The following HINT1 variants were observed in gnomAD, a reference collection of about 807,000 sequenced individuals.
HINT1 encodes histidine triad nucleotide binding protein 1, also known as adenosine 5'-monophosphoramidase HINT1.
In HINT1, 12 loss-of-function variants were observed where a neutral mutation model predicts 11.2. The ratio of observed to expected loss-of-function variants is 1.07; its 90% CI spans 0.69 to 1.74. HINT1 has a LOEUF of 1.74. Among genes scored for constraint, HINT1 ranks in the 40% most tolerant of loss-of-function variants. The pLI, the probability that HINT1 is intolerant of heterozygous loss-of-function variation, is 0.00. For missense variants in HINT1, 150 were observed against 161.8 expected, an observed-to-expected ratio of 0.93 and a Z score of 0.40; for synonymous variants, 42 against 52.6, an observed-to-expected ratio of 0.80 and a Z score of 0.87.
intron 1 of HINT1, 164 bp downstream of exon 1, chr5:131,164,931 T>G: frequency 2.2e-6 from 2 of 916,018 alleles, no homozygotes; most frequent in Non-Finnish European, 1.5e-6. Context: ...CGCCTCGGAG[T>G]GCCCGGGCCC....
Position 131,163,293 on chromosome 5 carries a change from C to G in HINT1, c.112-617G>C, listed in dbSNP as rs530426697. 1.9e-4 allele frequency among the ~76,000 whole-genome samples: 29 copies of G among 152,298 alleles called. 1 individual carries two copies. In the South Asian group the frequency reaches 6.0e-3, roughly 32 times the overall value. On this transcript the variant is annotated intron_variant, in intron 1 of 2. Coordinates refer to ENST00000304043, the MANE Select transcript of HINT1 (RefSeq NM_005340.7). The stretch of plus-strand genomic sequence containing the variant: ...GAGGCAGTGACATTTAAACTGGGAG[C>G]CAATGAATGCATAAAAATTGGCCAT...
chr5:131,160,970 C>T, intron 2 of HINT1: 2 of 344,106 alleles, frequency 5.8e-6, no homozygotes, highest in Non-Finnish European at 1.2e-5. Context: ...GTCTTACACG[C>T]ATTTTCAACA....
At chr5:131,162,823 C>T (rs1580684783) in intron 1 of HINT1, 147 bp from the exon 2 acceptor site, 3 of 591,962 alleles carry the variant, frequency 5.1e-6, no homozygotes, top group Admixed American at 3.0e-5. Flanking sequence ...CGAATGGTGC[C>T]GTGGTCCTTT....
chr5:131,162,365 G>T, intron 2 of HINT1: 18 of 910,952 alleles, frequency 2.0e-5, no homozygotes, highest in Non-Finnish European at 2.9e-5. Flanking sequence ...AGGATACGGA[G>T]AAGCTGGAAC....
At chr5:131,165,037 G>A (rs775684365) in intron 1 of HINT1, 58 bp downstream of exon 1, 4 of 1,608,976 alleles carry the variant, frequency 2.5e-6, no homozygotes, top group East Asian at 2.2e-5. Flanking sequence ...CGAGAAACCC[G>A]AGGATCCGCG....
intron 1 of HINT1, among the ~76,000 whole-genome samples, chr5:131,164,170 T>C (rs1209816447): frequency 6.6e-6 from 1 of 152,196 alleles, no homozygotes; most frequent in Non-Finnish European, 1.5e-5. Flanking sequence ...TTAACAAAAC[T>C]GTTTACAAAA....
At chr5:131,160,745 T>G in intron 2 of HINT1, 15 of 864,928 alleles carry the variant, frequency 1.7e-5, no homozygotes, top group Non-Finnish European at 2.5e-5. Flanking sequence ...TTTACAATGG[T>G]GTGGCGATAT....
chr5:131,159,403 C>A lies in HINT1; in HGVS notation c.*44G>T, dbSNP rs199563328. ...ACTTAACATACTGGAAATTGCCTAACTTAATCATTGCCTAAAGAAGAGAAA... is the reference window on the plus strand; with the variant it reads ...ACTTAACATACTGGAAATTGCCTAAATTAATCATTGCCTAAAGAAGAGAAA... On this transcript the variant is annotated 3_prime_UTR_variant, in exon 3 of 3. Transcript: ENST00000304043. 44 of 1,581,896 alleles carry A rather than the reference C, an allele frequency of 2.8e-5. No homozygotes were observed. In the East Asian group the frequency reaches 9.6e-4, roughly 35 times the overall value.
intron 2 of HINT1, chr5:131,162,216 G>A (rs938444771): frequency 1.6e-5 from 9 of 548,142 alleles, no homozygotes; most frequent in African/African-American, 3.8e-5. Flanking sequence ...CCCACTACTC[G>A]GGAGGCTGAG....
At chr5:131,162,420 G>A (rs1299525602) in intron 2 of HINT1, 152 bp downstream of exon 2, 1 of 1,513,286 alleles carries the variant, frequency 6.6e-7, no homozygotes, top group Non-Finnish European at 8.9e-7. Context: ...AGTAACTTTG[G>A]AAAACAGCTG....
Position 131,162,566 on chromosome 5 carries a change from A to G in HINT1, c.216+6T>C. ...AGAAAATAAATCATGTTAGAAATGT[A>G]CTTACACTTTCATCATCATCTTCTG... On this transcript the variant is annotated splice_donor_region_variant and intron_variant, in intron 2 of 2. Transcript: ENST00000304043. 1 of 1,606,260 alleles carries G rather than the reference A, an allele frequency of 6.2e-7. No individual in the cohort carries two copies. The highest frequency in any genetic ancestry group is 8.5e-7 in the Non-Finnish European group (1 of 1,172,932).
At position 131,159,403 on chromosome 5, in the gene HINT1, CTTAATCATTGCCTAAA is replaced by C; in HGVS notation, c.*28_*43del. On this transcript the variant is annotated 3_prime_UTR_variant, in exon 3 of 3. Coordinates refer to ENST00000304043, the MANE Select transcript of HINT1 (RefSeq NM_005340.7). Reference sequence around the variant, plus strand: ...ACTTAACATACTGGAAATTGCCTAACTTAATCATTGCCTAAAGAAGAGAAAATTATCCCCAAAACGT... The same window carrying C: ...ACTTAACATACTGGAAATTGCCTAACGAAGAGAAAATTATCCCCAAAACGT... The C allele has an allele frequency of 6.3e-7, 1 of 1,581,898 alleles. No homozygotes were observed. The highest frequency in any genetic ancestry group is 8.6e-7 in the Non-Finnish European group (1 of 1,158,768).
intron 2 of HINT1, among the ~76,000 whole-genome samples, chr5:131,160,423 A>G (rs1755220792): frequency 6.6e-6 from 1 of 152,174 alleles, no homozygotes; most frequent in African/African-American, 2.4e-5. Flanking sequence ...CTTCCCTAAT[A>G]AAAGTTAAAG....
intron 1 of HINT1, among the ~76,000 whole-genome samples, chr5:131,164,839 G>A (rs959015488): frequency 3.3e-5 from 5 of 151,924 alleles, no homozygotes; most frequent in South Asian, 2.1e-4. Flanking sequence ...GCCCCGCGGT[G>A]CGGCACTCAG....
chr5:131,163,718 T>C (rs1755314980), intron 1 of HINT1, among the ~76,000 whole-genome samples: 1 of 152,204 alleles, frequency 6.6e-6, no homozygotes, highest in Admixed American at 6.5e-5. Context: ...CTGAAGAGTA[T>C]ATATATGATA....
At chr5:131,162,101 G>A (rs1412995140) in intron 2 of HINT1, 8 of 316,590 alleles carry the variant, frequency 2.5e-5, no homozygotes, top group East Asian at 1.1e-4. Flanking sequence ...CGAGGCGGGC[G>A]GATCACGAGG....
At position 131,162,640 on chromosome 5, in the gene HINT1, T is replaced by G. The variant is rs368167215; in HGVS notation, c.148A>C (p.Thr50Pro). 2.5e-6 allele frequency: 4 copies of G among 1,612,994 alleles called. No individual in the cohort carries two copies. The highest frequency in any genetic ancestry group is 1.3e-5 in the African/African-American group (1 of 74,996). Reference sequence around the variant, plus strand: ...TTCTTGGGTATCACCAGAAAATGTGTTGGTGCTTGAGGGGAAATGTCATGG... The same window carrying G: ...TTCTTGGGTATCACCAGAAAATGTGGTGGTGCTTGAGGGGAAATGTCATGG... Reference protein sequence around the residue: ...AFHDISPQAPTHFLVIPKKHI... With the variant: ...AFHDISPQAPPHFLVIPKKHI... Residue 50 changes from threonine to proline, a missense_variant, in exon 2 of 3, where the codon ACA becomes CCA. Physicochemically the swap from Thr to Pro is conservative, Grantham distance 38. Transcript: ENST00000304043.
In HINT1 at chr5:131,162,334, A is replaced by C. The variant is rs1479581522; in HGVS notation, c.216+238T>G. 8 of 748,748 alleles carry C rather than the reference A, an allele frequency of 1.1e-5. No individual in the cohort carries two copies. The East Asian group carries it at 2.1e-4, about 20-fold the overall frequency. 46.4% of individuals were successfully genotyped at this position (748,748 alleles called of 1,614,324 possible). A position where few individuals can be genotyped will look rare whatever the true frequency, so the allele number is the denominator to read the frequency against. ...ACTCTGTCTCAAAAAAAAAAAAAAA[A>C]GGTAATAGCAAGTGTTGATAAGGAT... is the stretch of plus-strand genomic sequence containing the variant. On this transcript the variant is annotated intron_variant, in intron 2 of 2. Coordinates refer to ENST00000304043, the MANE Select transcript of HINT1 (RefSeq NM_005340.7).
At chr5:131,161,326 G>A (rs914729727) in intron 2 of HINT1, among the ~76,000 whole-genome samples, 2 of 152,136 alleles carry the variant, frequency 1.3e-5, no homozygotes, top group Non-Finnish European at 2.9e-5. Flanking sequence ...TTCTGGGGCT[G>A]GGCGTGGTGG....
Sources: allele counts gnomAD v4.1 joint callset (sites outside exome capture counted in the v4.1 genomes callset), GRCh38; gene constraint gnomAD v4.1.1; transcripts MANE v1.5; gene names NCBI Gene and HGNC (gene_info 2026-07-23, HGNC 2026-07-21).